FILIP1: variants seen among roughly 807,000 people sequenced by gnomAD.
FILIP1 encodes filamin-A-interacting protein 1.
In FILIP1, 61 loss-of-function variants were observed where a neutral mutation model predicts 102.1. The ratio of observed to expected loss-of-function variants is 0.60; its 90% CI spans 0.49 to 0.74. The LOEUF (loss-of-function observed/expected upper bound fraction) is 0.74, where lower values mean the gene tolerates loss of function less well. Ranked by LOEUF, FILIP1 falls within the 30% of genes least tolerant of loss-of-function variation. FILIP1 has a pLI of 0.00. For synonymous variants in FILIP1, 491 were observed against 526.9 expected (o/e 0.93, Z 0.93); for missense variants, 1,314 against 1,441.2 (o/e 0.91, Z 1.43).
At chr6:75,375,404 G>A (rs1323635444) in intron 2 of FILIP1, among the ~76,000 whole-genome samples, 1 of 152,194 alleles carries the variant, frequency 6.6e-6, no homozygotes, top group Non-Finnish European at 1.5e-5. Flanking sequence ...TGTTCGCTGT[G>A]CACTTACAGG....
intron 2 of FILIP1, among the ~76,000 whole-genome samples, chr6:75,405,750 T>C: frequency 6.6e-6 from 1 of 152,258 alleles, no homozygotes; most frequent in African/African-American, 2.4e-5. Flanking sequence ...TCTGATTGGC[T>C]AATTTAAAGG....
chr6:75,429,037 A>G (rs1777729447), intron 1 of FILIP1, among the ~76,000 whole-genome samples: 1 of 152,106 alleles, frequency 6.6e-6, no homozygotes, highest in South Asian at 2.1e-4. Context: ...CCTAAGAGTC[A>G]ATTGCCATGT....
chr6:75,434,695 A>AT lies in FILIP1; in HGVS notation c.-6-19718dup. On this transcript the variant is annotated intron_variant, in intron 1 of 5. Transcript: ENST00000237172. ...ACTCTTTATTTATTTCTCCTGCCTG[A>AT]TTGCCCTGGCCAGAATTTCCAACAC... Among the ~76,000 whole-genome samples the AT allele has an allele frequency of 2.0e-5, 3 of 152,276 alleles. No individual in the cohort carries two copies. In the Middle Eastern group the frequency reaches 0.01, roughly 518 times the overall value.
intron 1 of FILIP1, among the ~76,000 whole-genome samples, chr6:75,490,892 T>C (rs913404199): frequency 1.1e-4 from 16 of 152,114 alleles, no homozygotes; most frequent in Non-Finnish European, 2.2e-4. Context: ...TATCCATACT[T>C]TCTCATGTAC....
chr6:75,465,628 T>C (rs1779139717), intron 1 of FILIP1: 1 of 354,630 alleles, frequency 2.8e-6, no homozygotes, highest in African/African-American at 2.2e-5. Context: ...GTCTTCATTT[T>C]CCACAGTAGT....
chr6:75,319,882 T>C, intron 4 of FILIP1: 1 of 458,564 alleles, frequency 2.2e-6, no homozygotes, highest in South Asian at 2.5e-5. Flanking sequence ...CTGAAGCACC[T>C]GGGTGCTTCT....
intron 4 of FILIP1, among the ~76,000 whole-genome samples, chr6:75,349,890 T>C (rs537314625): frequency 6.6e-6 from 1 of 152,304 alleles, no homozygotes; most frequent in East Asian, 1.9e-4. Flanking sequence ...CTCTCATAAG[T>C]AGATCTAATT....
chr6:75,422,333 T>C (rs1231335331), intron 1 of FILIP1, among the ~76,000 whole-genome samples: 1 of 152,154 alleles, frequency 6.6e-6, no homozygotes, highest in African/African-American at 2.4e-5. Flanking sequence ...TTTTGTTTTC[T>C]GGTAAATTTT....
intron 1 of FILIP1, among the ~76,000 whole-genome samples, chr6:75,441,932 G>A (rs1778265527): frequency 6.6e-6 from 1 of 150,520 alleles, no homozygotes. Flanking sequence ...CCGGGCGGGG[G>A]GCTGACCCCC....
intron 4 of FILIP1, among the ~76,000 whole-genome samples, chr6:75,339,102 AG>A (rs2149586838): frequency 6.6e-6 from 1 of 152,348 alleles, no homozygotes; most frequent in East Asian, 1.9e-4. Context: ...TAGGTCAGAA[AG>A]CATTTCCAAA....
intron 2 of FILIP1, among the ~76,000 whole-genome samples, chr6:75,387,359 A>G (rs551044822): frequency 1.9e-4 from 29 of 152,244 alleles, no homozygotes; most frequent in African/African-American, 7.0e-4. Flanking sequence ...ATATGTGTGC[A>G]TATGTCTTTA....
At chr6:75,424,177 T>C (rs1777561512) in intron 1 of FILIP1, among the ~76,000 whole-genome samples, 2 of 152,196 alleles carry the variant, frequency 1.3e-5, no homozygotes, top group African/African-American at 4.8e-5. Flanking sequence ...GGATTCTCCA[T>C]GTGCAAGAAG....
At chr6:75,388,900 A>G (rs978730510) in intron 2 of FILIP1, among the ~76,000 whole-genome samples, 13 of 152,140 alleles carry the variant, frequency 8.5e-5, no homozygotes, top group African/African-American at 3.1e-4. Flanking sequence ...AGAACTTCCA[A>G]TACTATGTTG....
intron 1 of FILIP1, among the ~76,000 whole-genome samples, chr6:75,429,525 T>C (rs1021620244): frequency 6.6e-6 from 1 of 152,070 alleles, no homozygotes; most frequent in African/African-American, 2.4e-5. Context: ...CAGGTATAAA[T>C]AGAAGCACAC....
chr6:75,308,400 A>G lies in FILIP1; in HGVS notation c.*291T>C, dbSNP rs112839775. ...ATTGAGTCCCCACATCTAACTGATG[A>G]GGAAACAGGCTCAGATGGGTCTATT... On this transcript the variant is annotated 3_prime_UTR_variant, in exon 6 of 6. Coordinates refer to ENST00000237172, the MANE Select transcript of FILIP1 (RefSeq NM_015687.5). The G allele has an allele frequency of 0.035, 39,667 of 1,128,338 alleles. 799 individuals carry two copies. The highest frequency in any genetic ancestry group is 0.043 in the Middle Eastern group (118 of 2,714). The allele number at this position is 1,128,338 out of a possible 1,614,324, so 69.9% of individuals were successfully genotyped here.
chr6:75,377,504 A>G lies in FILIP1; in HGVS notation c.277-14587T>C, dbSNP rs1410009942. On this transcript the variant is annotated intron_variant, in intron 2 of 5. Coordinates refer to ENST00000237172, the MANE Select transcript of FILIP1 (RefSeq NM_015687.5). Reference sequence around the variant, plus strand: ...TGCTCTGCGATTTGAGTGAGCATAAAATTTCTAGACCTGCCATTTCTGATA... The same window carrying G: ...TGCTCTGCGATTTGAGTGAGCATAAGATTTCTAGACCTGCCATTTCTGATA... Among the ~76,000 whole-genome samples, 3 of 152,214 alleles carry G rather than the reference A, an allele frequency of 2.0e-5. No individual in the cohort carries two copies. The South Asian group carries it at 6.2e-4, about 32-fold the overall frequency.
At chr6:75,430,286 T>C (rs1177600065) in intron 1 of FILIP1, among the ~76,000 whole-genome samples, 1 of 152,192 alleles carries the variant, frequency 6.6e-6, no homozygotes, top group Non-Finnish European at 1.5e-5. Flanking sequence ...GTTTATAAAT[T>C]ACCCAGTCTC....
intron 5 of FILIP1, among the ~76,000 whole-genome samples, chr6:75,310,613 C>T (rs1279689801): frequency 1.3e-5 from 2 of 152,168 alleles, no homozygotes; most frequent in Non-Finnish European, 2.9e-5. Flanking sequence ...AATGTCAATA[C>T]AGAGGGTAGG....
intron 4 of FILIP1, among the ~76,000 whole-genome samples, chr6:75,325,750 G>T (rs1051121594): frequency 3.3e-5 from 5 of 152,170 alleles, no homozygotes; most frequent in African/African-American, 1.2e-4. Context: ...ATAGATGTTG[G>T]CATGGATGTG....
Sources: allele counts gnomAD v4.1 joint callset (sites outside exome capture counted in the v4.1 genomes callset), GRCh38; gene constraint gnomAD v4.1.1; transcripts MANE v1.5; gene names NCBI Gene and HGNC (gene_info 2026-07-23, HGNC 2026-07-21).